Variants in ADAMTS14 observed in about 807,000 individuals in gnomAD.
The protein encoded by ADAMTS14 is ADAM metallopeptidase with thrombospondin type 1 motif 14.
ADAMTS14 carries 100 observed loss-of-function variants against 128.6 expected under a neutral mutation model. That is an observed-to-expected ratio of 0.78 (90% CI 0.66 to 0.92). The LOEUF is 0.92. Ranked by LOEUF, ADAMTS14 falls within the 40% of genes least tolerant of loss-of-function variation. The pLI is 0.00. For missense variants in ADAMTS14, 1,562 were observed against 1,658.6 expected, an observed-to-expected ratio of 0.94 and a Z score of 1.01; for synonymous variants, 665 against 653.8, an observed-to-expected ratio of 1.02 and a Z score of -0.26.
intron 12 of ADAMTS14, among the ~76,000 whole-genome samples, chr10:70,741,616 G>C (rs918801172): frequency 3.9e-5 from 6 of 152,148 alleles, no homozygotes; most frequent in African/African-American, 1.4e-4. Flanking sequence ...TGTGTTTTTA[G>C]GTTTTACTGA....
intron 8 of ADAMTS14, among the ~76,000 whole-genome samples, chr10:70,734,433 G>C (rs1012964248): frequency 1.3e-5 from 2 of 152,242 alleles, no homozygotes; most frequent in Admixed American, 1.3e-4. Context: ...ACCCCTTTGA[G>C]CCCACCTGGC....
chr10:70,732,152 TC>T, intron 6 of ADAMTS14, 101 bp from the exon 7 acceptor site: 1 of 1,037,916 alleles, frequency 9.6e-7, no homozygotes, highest in Admixed American at 2.0e-5. Context: ...ACGTCCCCAC[TC>T]CAAGCACTGA....
chr10:70,692,803 CT>C (rs1840228398), intron 2 of ADAMTS14, among the ~76,000 whole-genome samples: 1 of 152,186 alleles, frequency 6.6e-6, no homozygotes, highest in African/African-American at 2.4e-5. Flanking sequence ...GGGGTAAGGA[CT>C]TTTCCCCTTA....
At chr10:70,760,219 C>A (rs553129835) in intron 21 of ADAMTS14, 141 bp from the exon 22 acceptor site, 1 of 1,131,288 alleles carries the variant, frequency 8.8e-7, no homozygotes, top group Non-Finnish European at 1.2e-6. Context: ...GTAGCCCCCA[C>A]CCTGAGAAAA....
chr10:70,702,559 G>T (rs527241127), intron 3 of ADAMTS14, 91 bp downstream of exon 3: 2 of 1,472,408 alleles, frequency 1.4e-6, no homozygotes, highest in East Asian at 2.4e-5. Flanking sequence ...TCCATGTCTG[G>T]CCTCAGTCTT....
chr10:70,748,497 G>A (rs1842251648), intron 15 of ADAMTS14, among the ~76,000 whole-genome samples: 1 of 152,192 alleles, frequency 6.6e-6, no homozygotes, highest in Non-Finnish European at 1.5e-5. Context: ...CCAGGAAGGG[G>A]CGAGGCTCTT....
chr10:70,761,567 C>G lies in ADAMTS14; in HGVS notation c.*714C>G, dbSNP rs1842614267. On this transcript the variant is annotated 3_prime_UTR_variant, in exon 22 of 22. Coordinates refer to ENST00000373207, the MANE Select transcript of ADAMTS14 (RefSeq NM_080722.4). ...ACTTCTAGTGACTCCAGATTACAGA[C>G]TGGCCCCCCAATCTCACCCCAGCCC... 1 of 152,252 alleles carries G rather than the reference C, an allele frequency of 6.6e-6. No homozygotes were observed. The highest frequency in any genetic ancestry group is 1.5e-5 in the Non-Finnish European group (1 of 68,086). The allele number at this position is 152,252 out of a possible 1,614,324, so 9.4% of individuals were successfully genotyped here. A position where few individuals can be genotyped will look rare whatever the true frequency, so the allele number is the denominator to read the frequency against.
chr10:70,743,890 G>A (rs900318353), intron 13 of ADAMTS14, among the ~76,000 whole-genome samples, 176 bp from the exon 14 acceptor site: 1 of 152,172 alleles, frequency 6.6e-6, no homozygotes, highest in East Asian at 1.9e-4. Flanking sequence ...TCCTCATCAC[G>A]CCGGGTGTAA....
intron 4 of ADAMTS14, among the ~76,000 whole-genome samples, chr10:70,711,286 A>G (rs963208434): frequency 5.9e-5 from 9 of 152,256 alleles, no homozygotes; most frequent in African/African-American, 1.9e-4. Context: ...GGCTGGAGAC[A>G]AAAGGAGTTT....
intron 4 of ADAMTS14, among the ~76,000 whole-genome samples, chr10:70,711,473 A>G (rs115734830): frequency 7.9e-4 from 121 of 152,358 alleles, no homozygotes; most frequent in African/African-American, 2.8e-3. Context: ...TGAGCTGGCC[A>G]GTCACCCCAG....
chr10:70,705,250 G>A (rs1222255181), intron 3 of ADAMTS14, among the ~76,000 whole-genome samples: 1 of 152,176 alleles, frequency 6.6e-6, no homozygotes, highest in Non-Finnish European at 1.5e-5. Flanking sequence ...CTGAGGCTGC[G>A]TCCTGGATGC....
In ADAMTS14 at chr10:70,721,321, C is replaced by A. The variant is rs867519410; in HGVS notation, c.871-7973C>A. Among the ~76,000 whole-genome samples the A allele has an allele frequency of 5.9e-5, 9 of 151,958 alleles. No individual in the cohort carries two copies. In the South Asian group the frequency reaches 1.0e-3, roughly 18 times the overall value. Reference sequence around the variant, plus strand: ...TACAGGCGTGAGCCACCACACCCAGCTAGAAGACAGCTTTTAACCTCAGTT... The same window carrying A: ...TACAGGCGTGAGCCACCACACCCAGATAGAAGACAGCTTTTAACCTCAGTT... On this transcript the variant is annotated intron_variant, in intron 4 of 21. Coordinates refer to ENST00000373207, the MANE Select transcript of ADAMTS14 (RefSeq NM_080722.4).
chr10:70,751,490 A>G lies in ADAMTS14; in HGVS notation c.2440A>G (p.Thr814Ala), dbSNP rs375223153. Residue 814 changes from threonine (T) to alanine (A), a missense_variant, in exon 17 of 22, where the codon ACT (threonine) becomes GCT (alanine). Transcript: ENST00000373207. Reference sequence around the variant, plus strand: ...CATCTCCCCTCAGGCTCTCCCCCCAACTGAGGGTGGCCCCCGCAGCAGCCT... The same window carrying G: ...CATCTCCCCTCAGGCTCTCCCCCCAGCTGAGGGTGGCCCCCGCAGCAGCCT... The part of the protein sequence containing the change: ...EAIAILALPP[T>A]EGGPRSSLAY... 126 of 1,604,626 alleles carry G rather than the reference A, an allele frequency of 7.9e-5. No homozygotes were observed. The highest frequency in any genetic ancestry group is 6.6e-4 in the Middle Eastern group (4 of 6,022).
chr10:70,722,639 A>G (rs1841306954), intron 4 of ADAMTS14, among the ~76,000 whole-genome samples: 1 of 152,184 alleles, frequency 6.6e-6, no homozygotes, highest in Non-Finnish European at 1.5e-5. Context: ...GAAAGTAATG[A>G]AGTGTTAAAA....
chr10:70,711,514 G>A (rs1285343899), intron 4 of ADAMTS14, among the ~76,000 whole-genome samples: 1 of 152,228 alleles, frequency 6.6e-6, no homozygotes, highest in Non-Finnish European at 1.5e-5. Flanking sequence ...GCCCCTTAGA[G>A]CCTCTGCTTT....
At chr10:70,751,123 G>A (rs7910238) in intron 16 of ADAMTS14, among the ~76,000 whole-genome samples, 30,255 of 152,162 alleles carry the variant, frequency 0.2, 3,603 homozygotes, top group Non-Finnish European at 0.27. Flanking sequence ...AACCATTCTT[G>A]TTAACTGCCT....
At chr10:70,741,616 G>T (rs918801172) in intron 12 of ADAMTS14, among the ~76,000 whole-genome samples, 4 of 152,148 alleles carry the variant, frequency 2.6e-5, no homozygotes, top group Non-Finnish European at 5.9e-5. Flanking sequence ...TGTGTTTTTA[G>T]GTTTTACTGA....
At chr10:70,729,692 C>T (rs553877928) in intron 5 of ADAMTS14, among the ~76,000 whole-genome samples, 1 of 152,162 alleles carries the variant, frequency 6.6e-6, no homozygotes, top group African/African-American at 2.4e-5. Context: ...GCCCTGGTGC[C>T]CTGCGCTCTG....
chr10:70,741,603 C>T (rs10999501), intron 12 of ADAMTS14, among the ~76,000 whole-genome samples: 25,438 of 152,150 alleles, frequency 0.17, 2,964 homozygotes, highest in East Asian at 0.6. Context: ...TCCTATTACA[C>T]GCTGTGTTTT....
Sources: gnomAD v4.1 joint callset for allele counts (sites outside exome capture counted in the v4.1 genomes callset) on GRCh38, gnomAD v4.1.1 for gene constraint, MANE v1.5 for transcripts, NCBI Gene and HGNC (gene_info 2026-07-23, HGNC 2026-07-21) for gene names.